The following MAPK10 variants were observed in gnomAD, a reference collection of about 807,000 sequenced individuals.
MAPK10 encodes the protein JNK3 alpha protein kinase.
MAPK10 carries 25 observed loss-of-function variants against 59.3 expected under a neutral mutation model. That is an observed-to-expected ratio of 0.42 (90% CI 0.31 to 0.59). MAPK10 has a LOEUF of 0.59. Among genes scored for constraint, MAPK10 ranks in the 20% least tolerant of loss-of-function variants. The pLI, the probability that MAPK10 is intolerant of heterozygous loss-of-function variation, is 0.15. For missense variants in MAPK10, 351 were observed against 568.9 expected (o/e 0.62, Z 3.90); for synonymous variants, 190 against 200.5 (o/e 0.95, Z 0.44).
intron 11 of MAPK10, among the ~76,000 whole-genome samples, chr4:86,045,015 A>G (rs1297878648): frequency 1.3e-5 from 2 of 152,180 alleles, no homozygotes; most frequent in Non-Finnish European, 2.9e-5. Context: ...ACATCATAGC[A>G]TTAGGTGACC....
At chr4:86,516,753 C>T (rs1756697041) in intron 1 of MAPK10, among the ~76,000 whole-genome samples, 1 of 152,076 alleles carries the variant, frequency 6.6e-6, no homozygotes, top group Non-Finnish European at 1.5e-5. Flanking sequence ...GATTTGTGTA[C>T]ATGATATTTT....
chr4:86,046,025 G>A (rs1214248723), intron 11 of MAPK10, among the ~76,000 whole-genome samples: 2 of 151,618 alleles, frequency 1.3e-5, no homozygotes, highest in Non-Finnish European at 2.9e-5. Flanking sequence ...AAAGAATTGA[G>A]AATAAAAGAC....
At position 86,333,025 on chromosome 4, in the gene MAPK10, G is replaced by T. The variant is rs6842671; in HGVS notation, c.-7+21505C>A. On this transcript the variant is annotated intron_variant, in intron 2 of 13. Transcript: ENST00000641462. ...AGGATCTTGCTATTTTACACAGGCTGCCCTCAAACTCCTGGGCACAAGGGA... is the reference window on the plus strand; with the variant it reads ...AGGATCTTGCTATTTTACACAGGCTTCCCTCAAACTCCTGGGCACAAGGGA... 9.8e-3 allele frequency among the ~76,000 whole-genome samples: 1,493 copies of T among 152,168 alleles called. 17 individuals are homozygous for T. Among genetic ancestry groups the T allele is most frequent in the African/African-American group, 0.034 (1,412 of 41,512 alleles).
At chr4:86,445,314 C>T (rs1195957349) in intron 1 of MAPK10, among the ~76,000 whole-genome samples, 1 of 152,054 alleles carries the variant, frequency 6.6e-6, no homozygotes, top group African/African-American at 2.4e-5. Flanking sequence ...CAAACTAATG[C>T]AGGAAGAGAA....
intron 2 of MAPK10, among the ~76,000 whole-genome samples, chr4:86,256,552 G>A (rs1188253682): frequency 6.6e-6 from 1 of 151,924 alleles, no homozygotes; most frequent in Non-Finnish European, 1.5e-5. Context: ...ATCTCAAAAA[G>A]AGCAAATATT....
rs983548550 is a variant in MAPK10 at position 86,323,042 on chromosome 4, G to A, written c.-7+31488C>T. 1.1e-4 allele frequency among the ~76,000 whole-genome samples: 17 copies of A among 152,282 alleles called. No homozygotes were observed. The South Asian group carries it at 3.5e-3, about 32-fold the overall frequency. On this transcript the variant is annotated intron_variant, in intron 2 of 13. Coordinates refer to ENST00000641462, the MANE Select transcript of MAPK10 (RefSeq NM_138982.4). The stretch of plus-strand genomic sequence containing the variant: ...ATACAAAAATTAACTGGGTGTGGTG[G>A]CATGCGCCTATAGTCCCAGCTACTC...
At chr4:86,514,221 GA>G (rs1481585232) in intron 1 of MAPK10, among the ~76,000 whole-genome samples, 1 of 152,040 alleles carries the variant, frequency 6.6e-6, no homozygotes, top group Non-Finnish European at 1.5e-5. Flanking sequence ...AAAAGGCTCT[GA>G]AAAAAACCCA....
At chr4:86,230,564 T>C (rs777265411) in intron 2 of MAPK10, among the ~76,000 whole-genome samples, 1 of 152,226 alleles carries the variant, frequency 6.6e-6, no homozygotes, top group Non-Finnish European at 1.5e-5. Context: ...TTGATCTATA[T>C]GACTCATCAG....
chr4:86,220,810 GTTTAT>G (rs2089320502), intron 2 of MAPK10, among the ~76,000 whole-genome samples: 1 of 148,096 alleles, frequency 6.8e-6, no homozygotes, highest in African/African-American at 2.6e-5. Flanking sequence ...AAAGTCTCTT[GTTTAT>G]TTTATCTCAT....
At chr4:86,483,611 T>C (rs1433172190) in intron 1 of MAPK10, among the ~76,000 whole-genome samples, 3 of 152,120 alleles carry the variant, frequency 2.0e-5, no homozygotes, top group East Asian at 1.9e-4. Context: ...TATTAAAACA[T>C]TGGACAATAT....
intron 2 of MAPK10, among the ~76,000 whole-genome samples, chr4:86,240,731 T>C (rs1216419747): frequency 6.6e-6 from 1 of 152,162 alleles, no homozygotes; most frequent in Non-Finnish European, 1.5e-5. Flanking sequence ...CCTGTGTGTG[T>C]CTTTGCATGT....
chr4:86,215,761 C>T (rs867202900), intron 2 of MAPK10, among the ~76,000 whole-genome samples: 1 of 152,102 alleles, frequency 6.6e-6, no homozygotes, highest in African/African-American at 2.4e-5. Context: ...ACTCAGGAGG[C>T]TGGGGCAGGA....
At chr4:86,191,894 T>C (rs1421799685) in intron 3 of MAPK10, 1 of 152,128 alleles carries the variant, frequency 6.6e-6, no homozygotes, top group Non-Finnish European at 1.5e-5. Context: ...GGGATGTTTT[T>C]TCAGTGGCTG....
At chr4:86,188,666 G>A (rs559103592) in intron 3 of MAPK10, among the ~76,000 whole-genome samples, 10 of 152,104 alleles carry the variant, frequency 6.6e-5, no homozygotes, top group Admixed American at 5.9e-4. Context: ...TGGATACATT[G>A]CAAAAATGTT....
At chr4:86,023,883 T>G (rs1442332458) in intron 13 of MAPK10, 1 of 140,560 alleles carries the variant, frequency 7.1e-6, no homozygotes, top group Non-Finnish European at 1.5e-5. Flanking sequence ...AGAAAGCCAG[T>G]GGAACCAGGC....
chr4:86,372,553 A>G (rs1299523435), intron 1 of MAPK10, among the ~76,000 whole-genome samples: 4 of 16,588 alleles, frequency 2.4e-4, no homozygotes, highest in South Asian at 6.7e-3. Context: ...AGAAAGAAAG[A>G]AAGAAAGAAA....
At chr4:86,428,660 C>CT (rs1564850862) in intron 1 of MAPK10, among the ~76,000 whole-genome samples, 1 of 152,106 alleles carries the variant, frequency 6.6e-6, no homozygotes, top group African/African-American at 2.4e-5. Flanking sequence ...GAGAAAAGTG[C>CT]TATGTTTTTT....
chr4:86,414,027 C>T (rs1408181594), intron 1 of MAPK10, among the ~76,000 whole-genome samples: 1 of 152,208 alleles, frequency 6.6e-6, no homozygotes, highest in Non-Finnish European at 1.5e-5. Context: ...AAGACCGGAG[C>T]TGTTCCTATT....
chr4:86,145,336 T>C lies in MAPK10; in HGVS notation c.236+13962A>G, dbSNP rs1283385910. On this transcript the variant is annotated intron_variant, in intron 4 of 13. Transcript: ENST00000641462. The stretch of plus-strand genomic sequence containing the variant: ...GAGATCGCGCCACTGCACTCCAGCC[T>C]GGGCTACAGAGCGAGACACCGTCTC... Among the ~76,000 whole-genome samples, 6 of 75,766 alleles carry C rather than the reference T, an allele frequency of 7.9e-5. 2 individuals carry two copies. In the East Asian group the frequency reaches 2.0e-3, roughly 25 times the overall value. 49.7% of individuals were successfully genotyped at this position (75,766 alleles called of 152,430 possible). A position where few individuals can be genotyped will look rare whatever the true frequency, so the allele number is the denominator to read the frequency against.
Sources: gnomAD v4.1 joint callset for allele counts (sites outside exome capture counted in the v4.1 genomes callset) on GRCh38, gnomAD v4.1.1 for gene constraint, MANE v1.5 for transcripts, NCBI Gene and HGNC (gene_info 2026-07-23, HGNC 2026-07-21) for gene names.